Variants in CECR2 observed in about 807,000 individuals in gnomAD.
CECR2 encodes the protein chromatin remodeling regulator CECR2.
A neutral mutation model predicts 154.5 loss-of-function variants in CECR2; 30 were observed. The observed-to-expected ratio is 0.19, with a 90% confidence interval of 0.15 to 0.26. The LOEUF (loss-of-function observed/expected upper bound fraction) is 0.26. CECR2 is among the 10% of genes least tolerant of loss of function. The pLI is 1.00. For missense variants in CECR2, 1,743 were observed against 1,829.3 expected (o/e 0.95, Z 0.86); for synonymous variants, 725 against 683.7 (o/e 1.06, Z -0.94).
chr22:17,499,695 C>A (rs1374376647), intron 4 of CECR2, 146 bp downstream of exon 4: 1 of 785,326 alleles, frequency 1.3e-6, no homozygotes, highest in Non-Finnish European at 1.9e-6. Flanking sequence ...GGAGATACTT[C>A]ATGCAAAAAC....
At chr22:17,486,356 A>G (rs2055420065) in intron 2 of CECR2, among the ~76,000 whole-genome samples, 1 of 152,242 alleles carries the variant, frequency 6.6e-6, no homozygotes, top group Non-Finnish European at 1.5e-5. Context: ...ATAAAGTGGT[A>G]TAAAGTGGTA....
At position 17,500,753 on chromosome 22, in the gene CECR2, G is replaced by T. The variant is rs1206061498; in HGVS notation, c.650+18G>T. Reference sequence around the variant, plus strand: ...CTGTTGAGGTAAGAAAATCTTGTTAGTTGTGGTCATAGACCATGGCAGAAG... The same window carrying T: ...CTGTTGAGGTAAGAAAATCTTGTTATTTGTGGTCATAGACCATGGCAGAAG... On this transcript the variant is annotated intron_variant, in intron 5 of 18. Transcript: ENST00000262608. 1.3e-6 allele frequency: 2 copies of T among 1,508,400 alleles called. No homozygotes were observed. The highest frequency in any genetic ancestry group is 1.8e-6 in the Non-Finnish European group (2 of 1,111,864). The allele number at this position is 1,508,400 out of a possible 1,614,324, so 93.4% of individuals were successfully genotyped here.
intron 1 of CECR2, among the ~76,000 whole-genome samples, chr22:17,381,272 T>C (rs1254205322): frequency 6.6e-6 from 1 of 152,212 alleles, no homozygotes; most frequent in Admixed American, 6.5e-5. Context: ...CATTTTCCTT[T>C]GTGGTGTTAA....
At chr22:17,360,002 T>G (rs1347949021) in exon 1 of CECR2, 1 of 152,270 alleles carries the variant, frequency 6.6e-6, no homozygotes, top group Admixed American at 6.5e-5. Flanking sequence ...GTACTCAGCT[T>G]GACGCCATGT....
chr22:17,383,345 C>G (rs2063221874), intron 1 of CECR2, among the ~76,000 whole-genome samples: 1 of 152,224 alleles, frequency 6.6e-6, no homozygotes, highest in African/African-American at 2.4e-5. Flanking sequence ...GCATGCCATG[C>G]CATTTGATAG....
rs369467523 is a variant in CECR2 at position 17,504,840 on chromosome 22, T to C, written c.701-7T>C. ...TCCTGTAGTGAATCCGTTCCTTTAT[T>C]TTCTAGGGTCCCAAGGGCCAGGCCA... On this transcript the variant is annotated splice_polypyrimidine_tract_variant and splice_region_variant and intron_variant, in intron 6 of 18. Coordinates refer to ENST00000262608, the MANE Select transcript of CECR2 (RefSeq NM_001290047.2). 1.2e-5 allele frequency: 20 copies of C among 1,610,362 alleles called. No homozygotes were observed. Among genetic ancestry groups the C allele is most frequent in the Non-Finnish European group, 1.6e-5 (19 of 1,178,748 alleles).
intron 8 of CECR2, among the ~76,000 whole-genome samples, chr22:17,514,044 C>T (rs2056007768): frequency 6.6e-6 from 1 of 152,142 alleles, no homozygotes; most frequent in South Asian, 2.1e-4. Context: ...CTGGAGAAAC[C>T]CTTAGTGGTG....
chr22:17,551,880 G>A (rs961499462), intron 17 of CECR2, 151 bp from the exon 18 acceptor site: 14 of 682,922 alleles, frequency 2.1e-5, no homozygotes, highest in Admixed American at 1.7e-4. Context: ...TGCCCCAGGG[G>A]GCACAGAATG....
At chr22:17,518,246 G>C (rs1039447502) in intron 8 of CECR2, among the ~76,000 whole-genome samples, 2 of 152,202 alleles carry the variant, frequency 1.3e-5, no homozygotes, top group Non-Finnish European at 2.9e-5. Context: ...TGCATACGGT[G>C]TGCAGTAAAT....
chr22:17,432,366 G>T (rs13056944), intron 1 of CECR2, among the ~76,000 whole-genome samples: 1 of 152,190 alleles, frequency 6.6e-6, no homozygotes, highest in African/African-American at 2.4e-5. Flanking sequence ...TGGTTCATCT[G>T]TTCATCAGTT....
intron 17 of CECR2, among the ~76,000 whole-genome samples, chr22:17,550,862 A>G (rs957240368): frequency 1.3e-5 from 2 of 152,112 alleles, no homozygotes; most frequent in Non-Finnish European, 2.9e-5. Context: ...GAATGGCGTG[A>G]ACCTGGGAGG....
chr22:17,536,327 T>C (rs2147006223), intron 9 of CECR2, among the ~76,000 whole-genome samples: 1 of 152,350 alleles, frequency 6.6e-6, no homozygotes, highest in Middle Eastern at 3.4e-3. Context: ...CCTTGCTGTC[T>C]GGCAGTCTCA....
At position 17,482,115 on chromosome 22, in the gene CECR2, C is replaced by CAAAAAAAA. The variant is rs869050391; in HGVS notation, c.221+4452_221+4459dup. Among the ~76,000 whole-genome samples the CAAAAAAAA allele has an allele frequency of 1.1e-3, 81 of 76,308 alleles. 2 individuals are homozygous for CAAAAAAAA. The East Asian group carries it at 0.021, about 20-fold the overall frequency. The allele number at this position is 76,308 out of a possible 152,430, so 50.1% of individuals were successfully genotyped here. Reference sequence around the variant, plus strand: ...GGGTGACAGATCGAGACTCTGTCTCCAAAAAAAAAAAAAAAAAAAAAAAAA... The same window carrying CAAAAAAAA: ...GGGTGACAGATCGAGACTCTGTCTCCAAAAAAAAAAAAAAAAAAAAAAAAAAAAAAAAA... On this transcript the variant is annotated intron_variant, in intron 2 of 18. Transcript: ENST00000262608.
chr22:17,528,720 G>C (rs371351724), intron 9 of CECR2, among the ~76,000 whole-genome samples: 1 of 152,138 alleles, frequency 6.6e-6, no homozygotes, highest in Non-Finnish European at 1.5e-5. Flanking sequence ...ATTTTTAGTA[G>C]AGATGGGGTT....
At chr22:17,374,784 G>A (rs920031425) in intron 1 of CECR2, among the ~76,000 whole-genome samples, 2 of 152,134 alleles carry the variant, frequency 1.3e-5, no homozygotes, top group Non-Finnish European at 2.9e-5. Context: ...CTCCTTAGCC[G>A]GCCTTAACCA....
intron 7 of CECR2, among the ~76,000 whole-genome samples, chr22:17,505,485 A>G (rs895925206): frequency 6.7e-6 from 1 of 148,248 alleles, no homozygotes; most frequent in Non-Finnish European, 1.5e-5. Context: ...ATTATCATGC[A>G]TGTACACCCT....
At chr22:17,447,404 C>A (rs1022693888) in intron 1 of CECR2, among the ~76,000 whole-genome samples, 1 of 152,060 alleles carries the variant, frequency 6.6e-6, no homozygotes, top group Non-Finnish European at 1.5e-5. Context: ...CCACCCACCT[C>A]GGCCTCCCAA....
intron 1 of CECR2, among the ~76,000 whole-genome samples, chr22:17,447,375 G>T (rs138773711): frequency 0.04 from 6,144 of 151,776 alleles, 315 homozygotes; most frequent in African/African-American, 0.12. Context: ...GGATGGTCTC[G>T]ATATCCTGAC....
chr22:17,441,524 A>C (rs2401118), intron 1 of CECR2, among the ~76,000 whole-genome samples: 1 of 152,180 alleles, frequency 6.6e-6, no homozygotes, highest in Non-Finnish European at 1.5e-5. Context: ...TAACGTGATG[A>C]AAGCTTTCTT....
Sources: gnomAD v4.1 joint callset for allele counts (sites outside exome capture counted in the v4.1 genomes callset) on GRCh38, gnomAD v4.1.1 for gene constraint, MANE v1.5 for transcripts, NCBI Gene and HGNC (gene_info 2026-07-23, HGNC 2026-07-21) for gene names.